The following SNTG1 variants were observed in gnomAD, a reference collection of about 807,000 sequenced individuals.
SNTG1 encodes the protein gamma-1-syntrophin.
Under a neutral mutation model 74.7 loss-of-function variants are expected in SNTG1, and 39 were observed. The observed-to-expected ratio is 0.52, with a 90% CI of 0.40 to 0.68. The LOEUF (loss-of-function observed/expected upper bound fraction) is 0.68. Among genes scored for constraint, SNTG1 ranks in the 30% least tolerant of loss-of-function variants. The probability of loss-of-function intolerance (pLI) is 0.00; values close to 1 mark genes in which losing one functional copy is unlikely to be tolerated. For missense variants in SNTG1, 685 were observed against 609.5 expected, an observed-to-expected ratio of 1.12 and a Z score of -1.30; for synonymous variants, 254 against 217.1, an observed-to-expected ratio of 1.17 and a Z score of -1.49.
At chr8:50,502,675 GA>G in intron 8 of SNTG1, 102 bp from the exon 9 acceptor site, 5 of 895,670 alleles carry the variant, frequency 5.6e-6, no homozygotes, top group Non-Finnish European at 8.5e-6. Flanking sequence ...GAATACTAGG[GA>G]AAAATGGAAG....
chr8:50,482,815 G>A (rs1420688789), intron 8 of SNTG1, among the ~76,000 whole-genome samples: 6 of 152,156 alleles, frequency 3.9e-5, no homozygotes, highest in Non-Finnish European at 8.8e-5. Flanking sequence ...CTTACCTGGA[G>A]GTTTCTTTGC....
intron 1 of SNTG1, among the ~76,000 whole-genome samples, chr8:49,937,854 C>T (rs1417545885): frequency 6.6e-6 from 1 of 152,170 alleles, no homozygotes; most frequent in Non-Finnish European, 1.5e-5. Flanking sequence ...CCTTTCCTCT[C>T]TTCTTTCCTG....
At chr8:50,688,207 G>A (rs2095361366) in intron 15 of SNTG1, among the ~76,000 whole-genome samples, 1 of 152,050 alleles carries the variant, frequency 6.6e-6, no homozygotes, top group Non-Finnish European at 1.5e-5. Flanking sequence ...TCTCTAGGTT[G>A]CCTGTTCACT....
intron 1 of SNTG1, among the ~76,000 whole-genome samples, chr8:50,112,259 C>A (rs1378324194): frequency 2.6e-5 from 4 of 151,668 alleles, no homozygotes; most frequent in Admixed American, 2.0e-4. Flanking sequence ...AAAGTCATAC[C>A]AAAAGAATAA....
In SNTG1 at chr8:50,363,941, G is replaced by A. The variant is rs545480963; in HGVS notation, c.-27-30271G>A. On this transcript the variant is annotated intron_variant, in intron 2 of 18. Coordinates refer to ENST00000642720, the MANE Select transcript of SNTG1 (RefSeq NM_018967.5). ...AAAAGGGTGCAACTCAGAAAAGCCAGATGGCAGAGATACACGCCTCAGGCA... is the reference window on the plus strand; with the variant it reads ...AAAAGGGTGCAACTCAGAAAAGCCAAATGGCAGAGATACACGCCTCAGGCA... 6.0e-4 allele frequency among the ~76,000 whole-genome samples: 92 copies of A among 152,300 alleles called. 2 individuals are homozygous for A. Among genetic ancestry groups the A allele is most frequent in the South Asian group, 5.2e-3 (25 of 4,826 alleles).
At chr8:50,554,700 T>C (rs1230469915) in intron 12 of SNTG1, among the ~76,000 whole-genome samples, 4 of 151,932 alleles carry the variant, frequency 2.6e-5, no homozygotes, top group African/African-American at 9.7e-5. Flanking sequence ...AAGAAAAAAA[T>C]AGAAAAGAAA....
At chr8:49,956,162 A>C (rs1810141126) in intron 1 of SNTG1, among the ~76,000 whole-genome samples, 1 of 152,216 alleles carries the variant, frequency 6.6e-6, no homozygotes, top group African/African-American at 2.4e-5. Context: ...ATTTTGCAGA[A>C]AGATGTTTAA....
chr8:50,178,594 T>C (rs1468864088), intron 2 of SNTG1, among the ~76,000 whole-genome samples: 1 of 152,194 alleles, frequency 6.6e-6, no homozygotes, highest in Non-Finnish European at 1.5e-5. Flanking sequence ...TATCTTCCTC[T>C]ATTTATCTGC....
intron 18 of SNTG1, among the ~76,000 whole-genome samples, chr8:50,785,948 A>G (rs2095673716): frequency 6.6e-6 from 1 of 152,024 alleles, no homozygotes; most frequent in South Asian, 2.1e-4. Context: ...ATAAGAAAAA[A>G]ATAAATACCA....
chr8:50,594,090 A>C (rs1003937486), intron 13 of SNTG1, among the ~76,000 whole-genome samples: 2 of 152,172 alleles, frequency 1.3e-5, no homozygotes, highest in Non-Finnish European at 2.9e-5. Context: ...GAAAAGATGA[A>C]AGGCGGGACA....
intron 1 of SNTG1, among the ~76,000 whole-genome samples, chr8:50,025,337 G>A (rs1280847713): frequency 1.3e-5 from 2 of 152,040 alleles, no homozygotes; most frequent in African/African-American, 2.4e-5. Flanking sequence ...ATTATTAGGT[G>A]TATTTTCCTC....
intron 1 of SNTG1, among the ~76,000 whole-genome samples, chr8:50,004,136 G>T (rs958471001): frequency 5.3e-5 from 8 of 152,040 alleles, no homozygotes; most frequent in Admixed American, 1.3e-4. Context: ...TACCATTAAT[G>T]ATTTTTGTAA....
intron 2 of SNTG1, among the ~76,000 whole-genome samples, chr8:50,304,212 A>G (rs1183639343): frequency 6.6e-6 from 1 of 152,014 alleles, no homozygotes; most frequent in African/African-American, 2.4e-5. Flanking sequence ...TTTTGCCTCT[A>G]TTTTCTGTCT....
chr8:50,232,776 T>G (rs1050043745), intron 2 of SNTG1, among the ~76,000 whole-genome samples: 1 of 151,572 alleles, frequency 6.6e-6, no homozygotes, highest in Non-Finnish European at 1.5e-5. Flanking sequence ...TGCTTTGTAT[T>G]TCTATATACT....
At chr8:50,790,713 A>T (rs775351134) in intron 18 of SNTG1, among the ~76,000 whole-genome samples, 65 of 151,852 alleles carry the variant, frequency 4.3e-4, no homozygotes, top group Middle Eastern at 3.4e-3. Flanking sequence ...ACCTGCTATT[A>T]TTTCCCGTCT....
chr8:50,056,358 C>G, intron 1 of SNTG1, among the ~76,000 whole-genome samples: 1 of 152,098 alleles, frequency 6.6e-6, no homozygotes, highest in Non-Finnish European at 1.5e-5. Context: ...AGAGAAGAGC[C>G]TGAACCTTAC....
At chr8:50,560,616 G>A (rs1187650117) in intron 12 of SNTG1, among the ~76,000 whole-genome samples, 1 of 152,166 alleles carries the variant, frequency 6.6e-6, no homozygotes, top group Non-Finnish European at 1.5e-5. Flanking sequence ...ACTAACACAG[G>A]AACAGAAAAT....
intron 9 of SNTG1, among the ~76,000 whole-genome samples, chr8:50,512,083 C>T (rs1437246608): frequency 1.3e-5 from 2 of 151,858 alleles, no homozygotes; most frequent in Non-Finnish European, 2.9e-5. Flanking sequence ...TTAGTGCTTC[C>T]TTCAGGAGCT....
chr8:50,199,013 T>G (rs1467777574), intron 2 of SNTG1, among the ~76,000 whole-genome samples: 1 of 152,196 alleles, frequency 6.6e-6, no homozygotes, highest in Non-Finnish European at 1.5e-5. Context: ...GTTAGCATTA[T>G]CTCACCTGGG....
Sources: gnomAD v4.1 joint callset for allele counts (sites outside exome capture counted in the v4.1 genomes callset) on GRCh38, gnomAD v4.1.1 for gene constraint, MANE v1.5 for transcripts, NCBI Gene and HGNC (gene_info 2026-07-23, HGNC 2026-07-21) for gene names.